The following CTNND2 variants were observed in gnomAD, a reference collection of about 807,000 sequenced individuals.
The protein encoded by CTNND2 is catenin delta-2.
A neutral mutation model predicts 144.4 loss-of-function variants in CTNND2; 22 were observed. That is an observed-to-expected ratio of 0.15 (90% confidence interval 0.11 to 0.22). The LOEUF (loss-of-function observed/expected upper bound fraction) is 0.22, where lower values mean the gene tolerates loss of function less well. CTNND2 is among the 10% of genes least tolerant of loss of function. CTNND2 has a pLI of 1.00. For missense variants in CTNND2, 1,353 were observed against 1,618.8 expected (o/e 0.84, Z 2.82); for synonymous variants, 751 against 695.6 (o/e 1.08, Z -1.25).
chr5:11,646,350 G>A (rs910051990), intron 2 of CTNND2, among the ~76,000 whole-genome samples: 1 of 152,170 alleles, frequency 6.6e-6, no homozygotes, highest in Non-Finnish European at 1.5e-5. Context: ...GAGAGATTAA[G>A]GAGTTGCCCA....
chr5:11,729,393 T>C (rs1447531610), intron 2 of CTNND2, among the ~76,000 whole-genome samples: 1 of 152,192 alleles, frequency 6.6e-6, no homozygotes, highest in Non-Finnish European at 1.5e-5. Flanking sequence ...CTTCTATACT[T>C]TTCTAGATGC....
intron 16 of CTNND2, among the ~76,000 whole-genome samples, chr5:11,040,025 G>A (rs1030929145): frequency 1.3e-5 from 2 of 152,038 alleles, no homozygotes; most frequent in African/African-American, 2.4e-5. Flanking sequence ...TCACACCACT[G>A]CACTCCAGCC....
chr5:11,636,031 C>G (rs969925945), intron 2 of CTNND2, among the ~76,000 whole-genome samples: 12 of 144,076 alleles, frequency 8.3e-5, no homozygotes, highest in South Asian at 2.2e-4. Context: ...TTAATCCCCC[C>G]CCACCCCCGC....
intron 9 of CTNND2, among the ~76,000 whole-genome samples, chr5:11,323,164 G>A (rs539821077): frequency 3.4e-5 from 5 of 146,978 alleles, no homozygotes; most frequent in African/African-American, 1.2e-4. Context: ...TCAGCTTCCC[G>A]AGCAGCCAGG....
rs61751665 is a variant in CTNND2 at position 11,022,733 on chromosome 5, A to G, written c.2999+36T>C. 2.8e-4 allele frequency: 444 copies of G among 1,562,346 alleles called. 1 individual carries two copies. In the African/African-American group the frequency reaches 5.5e-3, roughly 19 times the overall value. On this transcript the variant is annotated intron_variant, in intron 17 of 21. Transcript: ENST00000304623. ...GAAAGGCACATTCAGAACCAATTTTACCAGGACAGAGATATGGCGTCACCA... is the reference window on the plus strand; with the variant it reads ...GAAAGGCACATTCAGAACCAATTTTGCCAGGACAGAGATATGGCGTCACCA...
chr5:11,811,811 G>C (rs1373945350), intron 1 of CTNND2, among the ~76,000 whole-genome samples: 1 of 152,136 alleles, frequency 6.6e-6, no homozygotes, highest in African/African-American at 2.4e-5. Context: ...CTAGACACTA[G>C]ATCTACAGGT....
In CTNND2 at chr5:11,388,320, C is replaced by T. The variant is rs1186264697; in HGVS notation, c.613-3091G>A. ...GTGTTACCAGCAATGCTTTCTACAA[C>T]GTAGAGAATGTTCTCAATCCGTACT... On this transcript the variant is annotated intron_variant, in intron 6 of 21. Coordinates refer to ENST00000304623, the MANE Select transcript of CTNND2 (RefSeq NM_001332.4). Among the ~76,000 whole-genome samples the T allele has an allele frequency of 2.0e-5, 3 of 152,194 alleles. No individual in the cohort carries two copies. The East Asian group carries it at 5.8e-4, about 29-fold the overall frequency.
chr5:11,789,382 T>A (rs1235151201), intron 1 of CTNND2, among the ~76,000 whole-genome samples: 1 of 152,210 alleles, frequency 6.6e-6, no homozygotes, highest in Admixed American at 6.5e-5. Context: ...AACCTTCTAC[T>A]GTCTCCTTTT....
At chr5:11,586,817 T>C (rs539735218) in intron 2 of CTNND2, among the ~76,000 whole-genome samples, 1 of 152,306 alleles carries the variant, frequency 6.6e-6, no homozygotes, top group African/African-American at 2.4e-5. Flanking sequence ...TTTTGTAACA[T>C]GGCATTAGAA....
chr5:11,581,408 G>A (rs1388254777), intron 2 of CTNND2, among the ~76,000 whole-genome samples: 1 of 152,164 alleles, frequency 6.6e-6, no homozygotes, highest in Non-Finnish European at 1.5e-5. Context: ...GTTTTGAATA[G>A]AAAGTACAGA....
chr5:11,825,178 A>T (rs1466260969), intron 1 of CTNND2, among the ~76,000 whole-genome samples: 2 of 152,214 alleles, frequency 1.3e-5, no homozygotes, highest in African/African-American at 4.8e-5. Context: ...AAACTATCAC[A>T]TAGGAACTTT....
chr5:11,615,872 C>T (rs1197764532), intron 2 of CTNND2, among the ~76,000 whole-genome samples: 1 of 152,112 alleles, frequency 6.6e-6, no homozygotes, highest in African/African-American at 2.4e-5. Context: ...ACATGCATGA[C>T]AATGGTATTC....
intron 1 of CTNND2, among the ~76,000 whole-genome samples, chr5:11,814,262 G>A (rs968742219): frequency 8.5e-5 from 13 of 152,170 alleles, no homozygotes; most frequent in Admixed American, 3.3e-4. Context: ...GTATCTTTGT[G>A]TATCTACAGA....
Position 11,904,119 on chromosome 5 carries a change from C to T in CTNND2, c.-266G>A, listed in dbSNP as rs1323607677. 7.1e-5 allele frequency: 11 copies of T among 154,810 alleles called. No homozygotes were observed. The East Asian group carries it at 2.1e-3, about 30-fold the overall frequency. The allele number at this position is 154,810 out of a possible 1,614,324, so 9.6% of individuals were successfully genotyped here. A position where few individuals can be genotyped will look rare whatever the true frequency, so the allele number is the denominator to read the frequency against. Reference sequence around the variant, plus strand: ...GCCCCCTGCCCGGCTCCGCGGGCTCCACGGGCTCCTGCGGGCTCCTCGGGG... The same window carrying T: ...GCCCCCTGCCCGGCTCCGCGGGCTCTACGGGCTCCTGCGGGCTCCTCGGGG... On this transcript the variant is annotated 5_prime_UTR_variant, in exon 1 of 22. Coordinates refer to ENST00000304623, the MANE Select transcript of CTNND2 (RefSeq NM_001332.4). The surrounding 1 kb of genome is among the most constrained non-coding windows in gnomAD (Gnocchi z 4.2).
At chr5:11,696,764 T>C (rs1785158059) in intron 2 of CTNND2, among the ~76,000 whole-genome samples, 1 of 152,232 alleles carries the variant, frequency 6.6e-6, no homozygotes, top group African/African-American at 2.4e-5. Flanking sequence ...ACAGTAGTCA[T>C]ATATCAACAG....
At position 11,694,366 on chromosome 5, in the gene CTNND2, C is replaced by T. The variant is rs186699614; in HGVS notation, c.174+37770G>A. The stretch of plus-strand genomic sequence containing the variant: ...AGGAGAATGGCGTGAACCCGGGAGG[C>T]GGAGCTTGCAGTGAGCCGAGATTGC... On this transcript the variant is annotated intron_variant, in intron 2 of 21. Transcript: ENST00000304623. Among the ~76,000 whole-genome samples the T allele has an allele frequency of 1.2e-3, 181 of 150,562 alleles. 1 individual carries two copies. Among genetic ancestry groups the T allele is most frequent in the African/African-American group, 4.1e-3 (169 of 40,880 alleles).
chr5:11,293,062 G>C (rs573999128), intron 9 of CTNND2, among the ~76,000 whole-genome samples: 5 of 152,302 alleles, frequency 3.3e-5, no homozygotes, highest in Non-Finnish European at 5.9e-5. Context: ...AAGTCATCTA[G>C]AGTTAGAGAT....
chr5:11,583,488 A>G (rs1031086310), intron 2 of CTNND2, among the ~76,000 whole-genome samples: 2 of 152,186 alleles, frequency 1.3e-5, no homozygotes, highest in Non-Finnish European at 2.9e-5. Flanking sequence ...TGGATACAAA[A>G]TCCTGTGTTC....
intron 9 of CTNND2, among the ~76,000 whole-genome samples, chr5:11,246,083 T>C (rs996803117): frequency 1.3e-5 from 2 of 152,172 alleles, no homozygotes; most frequent in African/African-American, 4.8e-5. Flanking sequence ...CTCCAAACAA[T>C]GTTTAATGGC....
Sources: gnomAD v4.1 joint callset for allele counts (sites outside exome capture counted in the v4.1 genomes callset) on GRCh38, gnomAD v4.1.1 for gene constraint, Gnocchi (gnomAD v3.1) non-coding constraint, MANE v1.5 for transcripts, NCBI Gene and HGNC (gene_info 2026-07-23, HGNC 2026-07-21) for gene names.